The following PAAF1 variants were observed in gnomAD, a reference collection of about 807,000 sequenced individuals.
The protein encoded by PAAF1 is proteasomal ATPase-associated factor 1.
In PAAF1, 46 loss-of-function variants were observed where a neutral mutation model predicts 52.8. That is an observed-to-expected ratio of 0.87 (90% CI 0.69 to 1.11). The LOEUF (loss-of-function observed/expected upper bound fraction) is 1.11, where lower values mean the gene tolerates loss of function less well. Ranked by LOEUF, PAAF1 falls within the 50% of genes most tolerant of loss-of-function variation. The probability of loss-of-function intolerance (pLI) is 0.00; values close to 1 mark genes in which losing one functional copy is unlikely to be tolerated. For missense variants in PAAF1, 424 were observed against 477.4 expected (o/e 0.89, Z 1.04); for synonymous variants, 178 against 172.8 (o/e 1.03, Z -0.24).
chr11:73,923,472 A>G (rs1466257744), intron 10 of PAAF1, among the ~76,000 whole-genome samples: 2 of 152,058 alleles, frequency 1.3e-5, no homozygotes, highest in Non-Finnish European at 2.9e-5. Flanking sequence ...TGATTTTTGT[A>G]CCTCTGCTTT....
In PAAF1 at chr11:73,900,433, C is replaced by A; in HGVS notation, c.532+13C>A. The stretch of plus-strand genomic sequence containing the variant: ...GGTCACAAAGGAGGTATGAAGTGTG[C>A]TTTCTCCAAAAGGCTTCTCTAATGA... On this transcript the variant is annotated intron_variant, in intron 6 of 11. Coordinates refer to ENST00000310571, the MANE Select transcript of PAAF1 (RefSeq NM_025155.3). The A allele has an allele frequency of 6.4e-7, 1 of 1,558,302 alleles. No homozygotes were observed. The highest frequency in any genetic ancestry group is 8.7e-7 in the Non-Finnish European group (1 of 1,145,858).
chr11:73,908,339 G>GTATATATGTA (rs1554982068), intron 6 of PAAF1, among the ~76,000 whole-genome samples: 27 of 111,336 alleles, frequency 2.4e-4, no homozygotes, highest in Admixed American at 1.1e-3. Context: ...ATATATATGT[G>GTATATATGTA]TATATATGTG....
intron 2 of PAAF1, among the ~76,000 whole-genome samples, chr11:73,885,244 T>C (rs1183505867): frequency 6.6e-6 from 1 of 151,948 alleles, no homozygotes; most frequent in Non-Finnish European, 1.5e-5. Flanking sequence ...GTTCAAGGTA[T>C]TCTCCTGCTT....
At position 73,909,568 on chromosome 11, in the gene PAAF1, C is replaced by A; in HGVS notation, c.702C>A (p.Asn234Lys). The A allele has an allele frequency of 1.2e-6, 2 of 1,614,124 alleles. No homozygotes were observed. The highest frequency in any genetic ancestry group is 1.7e-6 in the Non-Finnish European group (2 of 1,180,008). ...VAVGAADNSI[N>K]LGSPEQMPSE... ...TGGGTGCTGCTGACAACTCCATAAA[C>A]CTTGGCTCCCCTGAGCAGATGCCCA... The change falls in exon 7 of 12, where the codon AAC becomes AAA. Residue 234 changes from asparagine to lysine, a missense_variant. Transcript: ENST00000310571.
chr11:73,890,878 C>T (rs77574810), intron 3 of PAAF1, among the ~76,000 whole-genome samples: 2,222 of 152,158 alleles, frequency 0.015, 31 homozygotes, highest in Non-Finnish European at 0.025. Context: ...TATTTCAACA[C>T]AAAAAGATAA....
intron 6 of PAAF1, among the ~76,000 whole-genome samples, chr11:73,907,749 G>T (rs996949073): frequency 6.6e-6 from 1 of 152,156 alleles, no homozygotes; most frequent in African/African-American, 2.4e-5. Flanking sequence ...ATGGGGGAGG[G>T]GAAGTAACAG....
chr11:73,919,830 T>G (rs1950162797), intron 10 of PAAF1, among the ~76,000 whole-genome samples: 1 of 152,224 alleles, frequency 6.6e-6, no homozygotes, highest in African/African-American at 2.4e-5. Context: ...TAGGATGTTT[T>G]GGGCTGTTAT....
chr11:73,909,072 C>A (rs113194077), intron 6 of PAAF1, among the ~76,000 whole-genome samples: 4,798 of 152,254 alleles, frequency 0.032, 86 homozygotes, highest in Non-Finnish European at 0.042. Context: ...CAGGTGTGAG[C>A]CACCACGCCC....
intron 1 of PAAF1, 120 bp from the exon 2 acceptor site, chr11:73,878,659 A>G (rs943466616): frequency 4.1e-6 from 3 of 732,002 alleles, no homozygotes; most frequent in African/African-American, 3.5e-5. Flanking sequence ...AGGTTGGACT[A>G]TCTCATGTCT....
At chr11:73,877,813 G>A (rs578241325) in intron 1 of PAAF1, among the ~76,000 whole-genome samples, 1 of 152,262 alleles carries the variant, frequency 6.6e-6, no homozygotes, top group South Asian at 2.1e-4. Context: ...TTGAACCCAG[G>A]AGGTGGAGGT....
chr11:73,900,138 T>G (rs901256316), intron 5 of PAAF1, 132 bp from the exon 6 acceptor site: 2 of 902,870 alleles, frequency 2.2e-6, no homozygotes, highest in Non-Finnish European at 1.6e-6. Flanking sequence ...CCTTTGGATA[T>G]CCTTAGTTTT....
intron 4 of PAAF1, among the ~76,000 whole-genome samples, chr11:73,896,254 CTTTTTT>C (rs71272248): frequency 8.2e-6 from 1 of 121,820 alleles, no homozygotes; most frequent in African/African-American, 3.0e-5. Flanking sequence ...TATCTGAACT[CTTTTTT>C]TTTTTTTTTA....
rs535361045 is a variant in PAAF1, at chr11:73,916,957, C to T, written c.935+297C>T. Among the ~76,000 whole-genome samples, 5 of 152,168 alleles carry T rather than the reference C, an allele frequency of 3.3e-5. No homozygotes were observed. The South Asian group carries it at 8.3e-4, about 25-fold the overall frequency. On this transcript the variant is annotated intron_variant, in intron 9 of 11. Coordinates refer to ENST00000310571, the MANE Select transcript of PAAF1 (RefSeq NM_025155.3). ...GTCTAGAACTTTTAATTTTAAAGAG[C>T]TCAGTAATTTTCTCTTACATTAGAC...
At chr11:73,898,657 A>G (rs1949503953) in intron 4 of PAAF1, among the ~76,000 whole-genome samples, 2 of 152,094 alleles carry the variant, frequency 1.3e-5, no homozygotes, top group Non-Finnish European at 2.9e-5. Flanking sequence ...TCTCTACCGA[A>G]AAATACAGAA....
chr11:73,895,716 TG>T (rs747455089), intron 4 of PAAF1, among the ~76,000 whole-genome samples: 2 of 152,116 alleles, frequency 1.3e-5, no homozygotes, highest in Non-Finnish European at 2.9e-5. Flanking sequence ...CATTTGCAGC[TG>T]GTTGTTTTTT....
chr11:73,922,122 A>T (rs1303395212), intron 10 of PAAF1: 9 of 913,414 alleles, frequency 9.9e-6, no homozygotes, highest in Non-Finnish European at 1.6e-5. Flanking sequence ...TTGACTTCTG[A>T]TAGGTAACAG....
chr11:73,900,160 T>G, intron 5 of PAAF1, 110 bp from the exon 6 acceptor site: 7 of 1,149,814 alleles, frequency 6.1e-6, no homozygotes, highest in Admixed American at 2.4e-5. Context: ...AAACCCAGCA[T>G]GTGGGTTTAG....
chr11:73,899,909 C>T (rs965461719), intron 5 of PAAF1, among the ~76,000 whole-genome samples: 2 of 152,014 alleles, frequency 1.3e-5, no homozygotes, highest in Admixed American at 6.6e-5. Flanking sequence ...CCAACCTTTA[C>T]AAAGGATTTT....
chr11:73,918,352 A>ATTTTTTTTTTTTTTT (rs1157984685), intron 9 of PAAF1, among the ~76,000 whole-genome samples: 3 of 71,670 alleles, frequency 4.2e-5, no homozygotes, highest in South Asian at 6.7e-4. Context: ...CAGTTACTTA[A>ATTTTTTTTTTTTTTT]TTTTTTTTTT....
Sources: allele counts gnomAD v4.1 joint callset (sites outside exome capture counted in the v4.1 genomes callset), GRCh38; gene constraint gnomAD v4.1.1; transcripts MANE v1.5; gene names NCBI Gene and HGNC (gene_info 2026-07-23, HGNC 2026-07-21).